GAREM1: variants seen among roughly 807,000 people sequenced by gnomAD.
GAREM1 encodes the protein GRB2-associated and regulator of MAPK protein 1.
In GAREM1, 26 loss-of-function variants were observed where a neutral mutation model predicts 71.3. The observed-to-expected ratio is 0.36, with a 90% CI of 0.27 to 0.51. The LOEUF is 0.51. Among genes scored for constraint, GAREM1 ranks in the 20% least tolerant of loss-of-function variants. The pLI is 0.95. For synonymous variants in GAREM1, 440 were observed against 433.2 expected (o/e 1.02, Z -0.20); for missense variants, 1,026 against 1,103.1 (o/e 0.93, Z 0.99).
intron 1 of GAREM1, among the ~76,000 whole-genome samples, chr18:32,402,224 A>G (rs2048321969): frequency 6.6e-6 from 1 of 152,188 alleles, no homozygotes. Flanking sequence ...AAAGAAGTGC[A>G]TGTTAAATTC....
At chr18:32,391,297 A>G (rs2048195027) in intron 2 of GAREM1, among the ~76,000 whole-genome samples, 1 of 152,152 alleles carries the variant, frequency 6.6e-6, no homozygotes, top group African/African-American at 2.4e-5. Context: ...GGAATAGAAA[A>G]GATCAGTTTG....
At chr18:32,469,695 A>T (rs1281006102) in intron 1 of GAREM1, among the ~76,000 whole-genome samples, 3 of 152,136 alleles carry the variant, frequency 2.0e-5, no homozygotes, top group Admixed American at 6.5e-5. Flanking sequence ...TCCAGACTGG[A>T]AATGCGCTAA....
chr18:32,345,074 A>C (rs1402134159), intron 2 of GAREM1, among the ~76,000 whole-genome samples: 2 of 152,166 alleles, frequency 1.3e-5, no homozygotes, highest in African/African-American at 4.8e-5. Context: ...AAAAAACAAA[A>C]ACAAAAACCA....
chr18:32,398,683 C>T (rs1457726593), intron 1 of GAREM1, among the ~76,000 whole-genome samples: 4 of 151,990 alleles, frequency 2.6e-5, no homozygotes, highest in African/African-American at 9.7e-5. Flanking sequence ...TAATAGCTTA[C>T]CAACCAAAAA....
At chr18:32,376,687 A>G (rs1452931486) in intron 2 of GAREM1, among the ~76,000 whole-genome samples, 1 of 151,662 alleles carries the variant, frequency 6.6e-6, no homozygotes, top group Non-Finnish European at 1.5e-5. Context: ...AAAATGCAAA[A>G]ATTAGCCAGG....
chr18:32,274,580 G>A (rs538234162), intron 4 of GAREM1, among the ~76,000 whole-genome samples: 14 of 152,216 alleles, frequency 9.2e-5, no homozygotes, highest in Admixed American at 7.8e-4. Flanking sequence ...GGCTCTGTGC[G>A]ACCAGGCTCC....
intron 2 of GAREM1, among the ~76,000 whole-genome samples, chr18:32,352,397 G>C (rs1489898012): frequency 6.6e-6 from 1 of 152,144 alleles, no homozygotes; most frequent in Non-Finnish European, 1.5e-5. Flanking sequence ...AGGGAATCCT[G>C]TTCCTTTCAT....
intron 3 of GAREM1, among the ~76,000 whole-genome samples, chr18:32,301,309 T>C (rs2047199118): frequency 6.6e-6 from 1 of 152,142 alleles, no homozygotes; most frequent in African/African-American, 2.4e-5. Context: ...CCTTATGGAG[T>C]TTGAAGGAGT....
chr18:32,438,506 C>T (rs2048703101), intron 1 of GAREM1, among the ~76,000 whole-genome samples: 1 of 152,234 alleles, frequency 6.6e-6, no homozygotes, highest in Admixed American at 6.5e-5. Flanking sequence ...GAACTAACTG[C>T]TGCTGAGGAC....
intron 1 of GAREM1, among the ~76,000 whole-genome samples, chr18:32,450,128 A>T (rs751187151): frequency 2.0e-5 from 3 of 152,250 alleles, no homozygotes; most frequent in Non-Finnish European, 2.9e-5. Context: ...TGGCACAACC[A>T]GTCAGAAAAT....
chr18:32,317,673 T>A (rs2144532277), intron 2 of GAREM1, among the ~76,000 whole-genome samples: 1 of 150,788 alleles, frequency 6.6e-6, no homozygotes, highest in East Asian at 1.9e-4. Flanking sequence ...AAAATTTCTA[T>A]GAACTTTTAT....
intron 3 of GAREM1, among the ~76,000 whole-genome samples, chr18:32,289,305 CTTAT>C (rs2047056203): frequency 1.3e-5 from 2 of 152,168 alleles, no homozygotes; most frequent in South Asian, 2.1e-4. Context: ...CAATGTTATA[CTTAT>C]TTATACTTTT....
rs553861536 is a variant in GAREM1, at chr18:32,309,558, G to A, written c.393+635C>T. 2.8e-5 allele frequency among the ~76,000 whole-genome samples: 4 copies of A among 141,206 alleles called. 1 individual carries two copies. The Admixed American group carries it at 3.0e-4, about 10-fold the overall frequency. 92.6% of individuals were successfully genotyped at this position (141,206 alleles called of 152,430 possible). On this transcript the variant is annotated intron_variant, in intron 3 of 5. Coordinates refer to ENST00000269209, the MANE Select transcript of GAREM1 (RefSeq NM_001242409.2). Reference sequence around the variant, plus strand: ...ATGAACCAGGGAGGCGAAGCTTGCAGTGAGCCGAGATCGCGCCACTGTACT... The same window carrying A: ...ATGAACCAGGGAGGCGAAGCTTGCAATGAGCCGAGATCGCGCCACTGTACT...
intron 2 of GAREM1, among the ~76,000 whole-genome samples, chr18:32,345,090 C>CAAA (rs1412452183): frequency 2.0e-5 from 3 of 151,900 alleles, no homozygotes; most frequent in African/African-American, 7.3e-5. Context: ...AACCAAAAAC[C>CAAA]AAACAACAAC....
At chr18:32,300,815 A>C (rs2047192201) in intron 3 of GAREM1, among the ~76,000 whole-genome samples, 1 of 150,930 alleles carries the variant, frequency 6.6e-6, no homozygotes, top group Non-Finnish European at 1.5e-5. Flanking sequence ...CTGAGGCAGG[A>C]GAATCGCTTG....
chr18:32,392,871 T>A, intron 2 of GAREM1, 24 bp downstream of exon 2: 1 of 1,607,500 alleles, frequency 6.2e-7, no homozygotes, highest in South Asian at 1.1e-5. Flanking sequence ...CGCTGCCTCA[T>A]CTTGGCCCTT....
intron 2 of GAREM1, among the ~76,000 whole-genome samples, chr18:32,370,660 G>A (rs949792129): frequency 2.0e-5 from 3 of 152,130 alleles, no homozygotes; most frequent in African/African-American, 7.2e-5. Context: ...AACTGATTGA[G>A]CACAATTCTC....
At chr18:32,275,236 A>G (rs1338856924) in intron 4 of GAREM1, among the ~76,000 whole-genome samples, 3 of 152,210 alleles carry the variant, frequency 2.0e-5, no homozygotes, top group Non-Finnish European at 4.4e-5. Flanking sequence ...ACCCCAGAGT[A>G]ATGACTATTC....
intron 2 of GAREM1, among the ~76,000 whole-genome samples, chr18:32,342,501 G>T (rs1260021953): frequency 1.3e-5 from 2 of 152,068 alleles, no homozygotes; most frequent in Non-Finnish European, 2.9e-5. Flanking sequence ...GAGACATATG[G>T]GATAGCTAAG....
Sources: allele counts gnomAD v4.1 joint callset (sites outside exome capture counted in the v4.1 genomes callset), GRCh38; gene constraint gnomAD v4.1.1; transcripts MANE v1.5; gene names NCBI Gene and HGNC (gene_info 2026-07-23, HGNC 2026-07-21).